Variants in SYNE1 observed in about 807,000 individuals in gnomAD.
SYNE1 encodes the protein spectrin repeat containing nuclear envelope protein 1, also known as nesprin-1.
In SYNE1, 616 loss-of-function variants were observed where a neutral mutation model predicts 1,111.0. The ratio of observed to expected loss-of-function variants is 0.55; its 90% CI spans 0.52 to 0.59. The LOEUF is 0.59. Among genes scored for constraint, SYNE1 ranks in the 20% least tolerant of loss-of-function variants. The pLI, the probability that SYNE1 is intolerant of heterozygous loss-of-function variation, is 0.00. For synonymous variants in SYNE1, 3,855 were observed against 3,825.8 expected, an observed-to-expected ratio of 1.01 and a Z score of -0.28; for missense variants, 10,006 against 10,417.0, an observed-to-expected ratio of 0.96 and a Z score of 1.72.
intron 56 of SYNE1, 57 bp downstream of exon 56, chr6:152,380,949 A>C (rs751945182): frequency 3.3e-5 from 51 of 1,555,890 alleles, no homozygotes; most frequent in Non-Finnish European, 4.4e-5. Context: ...AGGAATGATG[A>C]AAGTCAAAAC....
rs1229962516 is a variant in SYNE1, at chr6:152,430,588, T to G, written c.4583A>C (p.Gln1528Pro). The change falls in exon 35 of 146, where the codon CAA becomes CCA. Residue 1528 changes from glutamine to proline, a missense_variant. This residue lies in a region of SYNE1 where 1,971 missense variants were observed against 2,084.1 expected (regional missense o/e 0.95). Coordinates refer to ENST00000367255, the MANE Select transcript of SYNE1 (RefSeq NM_182961.4). ...ESARIKAKLTQIRRYGEELRE... is the reference protein window; with the variant it reads ...ESARIKAKLTPIRRYGEELRE... ...AAGCTCTTCCCCGTATCTTCTTATT[T>G]GTGTCAACTTGGCTTTAATTCGAGC... 1 of 1,614,166 alleles carries G rather than the reference T, an allele frequency of 6.2e-7. No individual in the cohort carries two copies. Among genetic ancestry groups the G allele is most frequent in the African/African-American group, 1.3e-5 (1 of 75,050 alleles).
intron 106 of SYNE1, among the ~76,000 whole-genome samples, chr6:152,243,379 G>A (rs971408786): frequency 6.6e-6 from 1 of 152,172 alleles, no homozygotes; most frequent in African/African-American, 2.4e-5. Flanking sequence ...TGCCAAATGT[G>A]GTGGAGTATA....
At chr6:152,141,138 C>T (rs1585986687) in intron 139 of SYNE1, 65 bp downstream of exon 139, 1 of 1,611,418 alleles carries the variant, frequency 6.2e-7, no homozygotes, top group East Asian at 2.2e-5. Context: ...TGGAATTTCG[C>T]TGTTAACAAA....
intron 32 of SYNE1, among the ~76,000 whole-genome samples, chr6:152,439,903 C>G (rs1166503835): frequency 6.6e-6 from 1 of 152,162 alleles, no homozygotes; most frequent in Non-Finnish European, 1.5e-5. Flanking sequence ...GGGTTGGGTT[C>G]ACCAAGTACA....
Position 152,149,546 on chromosome 6 carries a change from C to T in SYNE1, c.24573G>A (p.Glu8191=), listed in dbSNP as rs535011931. The T allele has an allele frequency of 1.1e-5, 17 of 1,614,178 alleles. No individual in the cohort carries two copies. Among genetic ancestry groups the T allele is most frequent in the Non-Finnish European group, 1.3e-5 (15 of 1,180,036 alleles). Residue 8191 remains glutamate, a synonymous_variant, in exon 136 of 146, where the codon GAG becomes GAA. Coordinates refer to ENST00000367255, the MANE Select transcript of SYNE1 (RefSeq NM_182961.4). The part of the protein sequence containing the change: ...DAAIIEEELD[E]LRRYCQEVFG... The stretch of plus-strand genomic sequence containing the variant: ...AGACCTCCTGGCAGTACCGTCGGAG[C>T]TCATCTAGTTCCTCCTCGATGATCG...
chr6:152,492,369 C>T (rs528127026), intron 11 of SYNE1, among the ~76,000 whole-genome samples: 5 of 152,362 alleles, frequency 3.3e-5, no homozygotes, highest in East Asian at 1.9e-4. Flanking sequence ...GTTGCAATTA[C>T]TTGCCTCCAC....
Position 152,328,322 on chromosome 6 carries a change from T to C in SYNE1, c.14955+1408A>G, listed in dbSNP as rs149347464. 2.1e-4 allele frequency among the ~76,000 whole-genome samples: 32 copies of C among 152,182 alleles called. No homozygotes were observed. In the East Asian group the frequency reaches 5.8e-3, roughly 28 times the overall value. ...GGACTAAAGACAGACATGGAGAAAA[T>C]GGGCCAAGAAGTTAAAGGAAGTAAT... On this transcript the variant is annotated intron_variant, in intron 78 of 145. Transcript: ENST00000367255.
Position 152,520,462 on chromosome 6 carries a change from T to C in SYNE1, c.306A>G (p.Arg102=), listed in dbSNP as rs1051875151. The C allele has an allele frequency of 2.5e-6, 4 of 1,613,492 alleles. No individual in the cohort carries two copies. Among genetic ancestry groups the C allele is most frequent in the Non-Finnish European group, 3.4e-6 (4 of 1,179,634 alleles). The part of the protein sequence containing the change: ...IGTALKFLEG[R]KIKLVNINST... ...TTTGTTTTTGTTTCTCTCTTACCTTTCTTCCTTCGAGGAACTTGAGTGCCG... is the reference window on the plus strand; with the variant it reads ...TTTGTTTTTGTTTCTCTCTTACCTTCCTTCCTTCGAGGAACTTGAGTGCCG... Residue 102 remains arginine (R), a synonymous_variant, in exon 6 of 146, where the codon AGA becomes AGG. Transcript: ENST00000367255.
At chr6:152,361,100 G>T (rs2096923092) in intron 64 of SYNE1, among the ~76,000 whole-genome samples, 1 of 152,208 alleles carries the variant, frequency 6.6e-6, no homozygotes, top group Non-Finnish European at 1.5e-5. Context: ...ATAAGTAGGA[G>T]GTTGCCAGGG....
At chr6:152,404,708 A>G (rs2097869159) in intron 45 of SYNE1, 1 of 220,920 alleles carries the variant, frequency 4.5e-6, no homozygotes, top group Admixed American at 5.3e-5. Context: ...TTTCAAAGCA[A>G]GTACACATCA....
At chr6:152,150,831 C>G (rs1157904039) in intron 135 of SYNE1, among the ~76,000 whole-genome samples, 1 of 152,118 alleles carries the variant, frequency 6.6e-6, no homozygotes, top group African/African-American at 2.4e-5. Context: ...GAAATCCCGA[C>G]ATAGGAAAGT....
At chr6:152,133,170 C>T in intron 143 of SYNE1, 106 bp downstream of exon 143, 3 of 1,085,138 alleles carry the variant, frequency 2.8e-6, no homozygotes, top group Non-Finnish European at 4.3e-6. Flanking sequence ...GGAGACACTC[C>T]ATTCTGACAA....
At chr6:152,168,782 T>C (rs1479798177) in intron 130 of SYNE1, among the ~76,000 whole-genome samples, 1 of 152,180 alleles carries the variant, frequency 6.6e-6, no homozygotes, top group African/African-American at 2.4e-5. Flanking sequence ...GAGTAGACTA[T>C]TTGGGGAGGA....
At chr6:152,286,216 TC>T (rs751665424) in intron 95 of SYNE1, among the ~76,000 whole-genome samples, 2 of 152,188 alleles carry the variant, frequency 1.3e-5, no homozygotes, top group Non-Finnish European at 2.9e-5. Context: ...ACTATATATA[TC>T]CATGCTGCTG....
rs755328795 is a variant in SYNE1, at chr6:152,231,543, T to C, written c.20887A>G (p.Lys6963Glu). The C allele has an allele frequency of 1.9e-6, 3 of 1,614,146 alleles. No individual in the cohort carries two copies. Among genetic ancestry groups the C allele is most frequent in the South Asian group, 1.1e-5 (1 of 91,082 alleles). Residue 6963 changes from lysine to glutamate, a missense_variant, in exon 114 of 146, where the codon AAA (lysine) becomes GAA (glutamate). Physicochemically the swap from Lys to Glu is moderately conservative, Grantham distance 56. This residue lies in a region of SYNE1 where 2,182 missense variants were observed against 2,287.8 expected (regional missense o/e 0.95). Coordinates refer to ENST00000367255, the MANE Select transcript of SYNE1 (RefSeq NM_182961.4). ...YKGFKIDINCKQLTVDFVNQS... is the reference protein window; with the variant it reads ...YKGFKIDINCEQLTVDFVNQS... The stretch of plus-strand genomic sequence containing the variant: ...TTCACAAAATCCACTGTCAGCTGTT[T>C]ACAGTTAATGTCTATCTTAAAACCC...
Position 152,230,581 on chromosome 6 carries a change from T to C in SYNE1, c.21161A>G (p.Gln7054Arg). The change falls in exon 115 of 146, where the codon CAG becomes CGG. Residue 7054 changes from glutamine (Q) to arginine (R), a missense_variant. By Grantham distance (43) the Gln-to-Arg change is conservative. This residue lies in a region of SYNE1 where 2,182 missense variants were observed against 2,287.8 expected (regional missense o/e 0.95). Coordinates refer to ENST00000367255, the MANE Select transcript of SYNE1 (RefSeq NM_182961.4). ...TTTCAGTGCATTTTGAACAGAAGCC[T>C]GATCTCCAATTCGATGCTGTTGTTT... is the stretch of plus-strand genomic sequence containing the variant. ...RLKQQHRIGDQASVQNALKDC... is the reference protein window; with the variant it reads ...RLKQQHRIGDRASVQNALKDC... 2 of 1,614,152 alleles carry C rather than the reference T, an allele frequency of 1.2e-6. No homozygotes were observed. Among genetic ancestry groups the C allele is most frequent in the Non-Finnish European group, 1.7e-6 (2 of 1,180,002 alleles).
intron 47 of SYNE1, among the ~76,000 whole-genome samples, chr6:152,400,082 G>C (rs2097789373): frequency 6.6e-6 from 1 of 152,074 alleles, no homozygotes. Context: ...CAAGCAAACT[G>C]AATAGGTCCT....
At chr6:152,334,839 C>T (rs1397480818) in intron 76 of SYNE1, among the ~76,000 whole-genome samples, 1 of 152,176 alleles carries the variant, frequency 6.6e-6, no homozygotes, top group East Asian at 1.9e-4. Flanking sequence ...GTCTCAGCCT[C>T]ATTTTACCCA....
intron 130 of SYNE1, among the ~76,000 whole-genome samples, chr6:152,165,656 C>T (rs2063500588): frequency 6.6e-6 from 1 of 152,074 alleles, no homozygotes. Context: ...ACTTACAATT[C>T]CACTCGAGAT....
Sources: allele counts gnomAD v4.1 joint callset (sites outside exome capture counted in the v4.1 genomes callset), GRCh38; gene constraint gnomAD v4.1.1; regional missense constraint gnomAD v4.1.1; transcripts MANE v1.5; gene names NCBI Gene and HGNC (gene_info 2026-07-23, HGNC 2026-07-21).